The following KLHL18 variants were observed in gnomAD, a reference collection of about 807,000 sequenced individuals.
KLHL18 encodes the protein kelch like family member 18, also known as kelch-like protein 18.
A neutral mutation model predicts 58.5 loss-of-function variants in KLHL18; 38 were observed. The observed-to-expected ratio is 0.65, with a 90% CI of 0.50 to 0.85. The LOEUF (loss-of-function observed/expected upper bound fraction) is 0.85. Ranked by LOEUF, KLHL18 falls within the 40% of genes least tolerant of loss-of-function variation. The pLI is 0.00. For synonymous variants in KLHL18, 303 were observed against 301.9 expected (o/e 1.00, Z -0.04); for missense variants, 624 against 778.4 (o/e 0.80, Z 2.36).
At chr3:47,315,193 C>T (rs903074576) in intron 1 of KLHL18, among the ~76,000 whole-genome samples, 3 of 152,064 alleles carry the variant, frequency 2.0e-5, no homozygotes, top group South Asian at 2.1e-4. Context: ...AAGTGCCTCC[C>T]GGGGGAGAAA....
At chr3:47,338,273 G>A (rs1280099100) in intron 7 of KLHL18, 1 of 152,154 alleles carries the variant, frequency 6.6e-6, no homozygotes, top group Non-Finnish European at 1.5e-5. Flanking sequence ...CTAGTTGATA[G>A]TTAATCTCAT....
chr3:47,327,019 G>A (rs1439630693), intron 3 of KLHL18, among the ~76,000 whole-genome samples: 5 of 151,062 alleles, frequency 3.3e-5, no homozygotes, highest in Admixed American at 6.6e-5. Flanking sequence ...CAGGCAGATC[G>A]CCTGAGGTCA....
At chr3:47,314,704 T>G (rs1703382045) in intron 1 of KLHL18, among the ~76,000 whole-genome samples, 1 of 152,222 alleles carries the variant, frequency 6.6e-6, no homozygotes, top group Non-Finnish European at 1.5e-5. Context: ...CTAATCCATG[T>G]GATAGCCCTT....
chr3:47,315,817 A>T (rs185696601), intron 1 of KLHL18, among the ~76,000 whole-genome samples: 1 of 152,350 alleles, frequency 6.6e-6, no homozygotes, highest in Admixed American at 6.5e-5. Context: ...AGTTGTAACT[A>T]TATACTGTCT....
chr3:47,333,268 TCAGA>T lies in KLHL18; in HGVS notation c.717_720del (p.Asp239GlufsTer18), dbSNP rs1218005812. ...GCCCCTCTGTCGGCCCCAGTTCCTT[TCAGA>T]CAGAGTACAGCAGGATGACCTGGTG... On this transcript the variant is annotated frameshift_variant, in exon 5 of 10. Transcript: ENST00000232766. LOFTEE classifies it high-confidence loss of function. The T allele has an allele frequency of 1.2e-6, 2 of 1,614,174 alleles. No homozygotes were observed. Among genetic ancestry groups the T allele is most frequent in the Non-Finnish European group, 1.7e-6 (2 of 1,180,036 alleles).
rs761163152 is a variant in KLHL18 at position 47,343,559 on chromosome 3, A to G, written c.1343A>G (p.Glu448Gly). The G allele has an allele frequency of 1.2e-6, 2 of 1,613,270 alleles. No individual in the cohort carries two copies. The highest frequency in any genetic ancestry group is 1.7e-6 in the Non-Finnish European group (2 of 1,180,020). Residue 448 changes from glutamate to glycine, a missense_variant, in exon 10 of 10, where the codon GAA becomes GGA. Transcript: ENST00000232766. ...GTGCCTCTCTCCCCACTGCAGGTGG[A>G]ACACTACAACCACCACACAGCCACC... ...HDGLQIFSSVEHYNHHTATWH... is the reference protein window; with the variant it reads ...HDGLQIFSSVGHYNHHTATWH...
At position 47,306,230 on chromosome 3, in the gene KLHL18, A is replaced by G. The variant is rs535827646; in HGVS notation, c.130-13423A>G. ...TTGTATTTTCACTTTCATTCATTCA[A>G]TGTATTTTTAAATTTCCGTTCCTTT... On this transcript the variant is annotated intron_variant, in intron 1 of 9. Transcript: ENST00000232766. Among the ~76,000 whole-genome samples the G allele has an allele frequency of 3.9e-5, 6 of 152,184 alleles. No homozygotes were observed. In the South Asian group the frequency reaches 1.0e-3, roughly 26 times the overall value.
At chr3:47,317,005 C>G (rs1166745223) in intron 1 of KLHL18, among the ~76,000 whole-genome samples, 2 of 151,804 alleles carry the variant, frequency 1.3e-5, no homozygotes, top group East Asian at 3.9e-4. Flanking sequence ...GGAAAAAAGT[C>G]TAAACTTTGA....
intron 1 of KLHL18, among the ~76,000 whole-genome samples, chr3:47,302,458 A>C (rs922180646): frequency 6.6e-6 from 1 of 152,164 alleles, no homozygotes; most frequent in Non-Finnish European, 1.5e-5. Context: ...GCACTCCAGC[A>C]TGGCAACAGA....
In KLHL18 at chr3:47,324,298, C is replaced by CTTT. The variant is rs769288621; in HGVS notation, c.401+1614_401+1616dup. ...CTTCCTTTTTTCTTTTTCTTTCTTT[C>CTTT]TTTTTTTTTTTTTTTTTTTTTTTTT... On this transcript the variant is annotated intron_variant, in intron 3 of 9. Transcript: ENST00000232766. Among the ~76,000 whole-genome samples, 87 of 37,464 alleles carry CTTT rather than the reference C, an allele frequency of 2.3e-3. 19 individuals carry two copies. Among genetic ancestry groups the CTTT allele is most frequent in the Admixed American group, 3.7e-3 (7 of 1,886 alleles). 24.6% of individuals were successfully genotyped at this position (37,464 alleles called of 152,430 possible).
intron 4 of KLHL18, among the ~76,000 whole-genome samples, chr3:47,330,701 C>G (rs1323369238): frequency 6.6e-6 from 1 of 152,172 alleles, no homozygotes; most frequent in Non-Finnish European, 1.5e-5. Flanking sequence ...AATAATCCTC[C>G]TGTGAACCAG....
rs1201714507 is a variant in KLHL18 at position 47,333,449 on chromosome 3, G to T, written c.761+132G>T. The T allele has an allele frequency of 1.8e-5, 16 of 874,224 alleles. No homozygotes were observed. In the East Asian group the frequency reaches 4.4e-4, roughly 24 times the overall value. 54.2% of individuals were successfully genotyped at this position (874,224 alleles called of 1,614,324 possible). A position where few individuals can be genotyped will look rare whatever the true frequency, so the allele number is the denominator to read the frequency against. ...TAATTCATGGCACACAGATTGGTCT[G>T]CCCTCTGTCTAGAAGCTGGAACAGG... is the stretch of plus-strand genomic sequence containing the variant. On this transcript the variant is annotated intron_variant, in intron 5 of 9. Coordinates refer to ENST00000232766, the MANE Select transcript of KLHL18 (RefSeq NM_025010.5).
intron 7 of KLHL18, 51 bp from the exon 8 acceptor site, chr3:47,340,521 T>C (rs1704083964): frequency 6.2e-7 from 1 of 1,612,248 alleles, no homozygotes; most frequent in Admixed American, 1.7e-5. Context: ...CAAGAGAGGC[T>C]GCTCCAGGAA....
intron 3 of KLHL18, among the ~76,000 whole-genome samples, chr3:47,329,444 G>T (rs1703802523): frequency 6.6e-6 from 1 of 152,062 alleles, no homozygotes; most frequent in African/African-American, 2.4e-5. Context: ...AGCCAGGATG[G>T]TCTTGATCTC....
intron 3 of KLHL18, among the ~76,000 whole-genome samples, chr3:47,326,001 G>A (rs927806542): frequency 3.3e-5 from 5 of 151,920 alleles, no homozygotes; most frequent in African/African-American, 1.2e-4. Context: ...AGGCAGGAAT[G>A]CAGTGGCATG....
At chr3:47,320,986 G>T (rs1381456996) in intron 2 of KLHL18, among the ~76,000 whole-genome samples, 1 of 152,214 alleles carries the variant, frequency 6.6e-6, no homozygotes, top group Non-Finnish European at 1.5e-5. Context: ...TCCAAGGGCA[G>T]TTGTGCCCTC....
At chr3:47,313,097 G>A (rs893626225) in intron 1 of KLHL18, among the ~76,000 whole-genome samples, 4 of 151,724 alleles carry the variant, frequency 2.6e-5, no homozygotes, top group African/African-American at 9.7e-5. Flanking sequence ...TTTTAGTAGA[G>A]ACAGCGTTTC....
chr3:47,294,084 C>T (rs754632078), intron 1 of KLHL18, among the ~76,000 whole-genome samples: 3 of 152,194 alleles, frequency 2.0e-5, no homozygotes, highest in Admixed American at 6.5e-5. Context: ...TTTAACTTTA[C>T]TAGCATGTTG....
At chr3:47,335,270 C>T (rs1703958860) in intron 6 of KLHL18, among the ~76,000 whole-genome samples, 1 of 152,200 alleles carries the variant, frequency 6.6e-6, no homozygotes, top group Admixed American at 6.5e-5. Flanking sequence ...ATATGGATCT[C>T]TGGGGTTAGA....
Sources: allele counts gnomAD v4.1 joint callset (sites outside exome capture counted in the v4.1 genomes callset), GRCh38; gene constraint gnomAD v4.1.1; transcripts MANE v1.5; gene names NCBI Gene and HGNC (gene_info 2026-07-23, HGNC 2026-07-21).